XKR9: variants seen among roughly 807,000 people sequenced by gnomAD.
The protein encoded by XKR9 is XK related 9.
A neutral mutation model predicts 32.0 loss-of-function variants in XKR9; 32 were observed. That is an observed-to-expected ratio of 1.00 (90% CI 0.76 to 1.34). The LOEUF is 1.34. Among genes scored for constraint, XKR9 ranks in the 40% most tolerant of loss-of-function variants. The pLI, the probability that XKR9 is intolerant of heterozygous loss-of-function variation, is 0.00. For missense variants in XKR9, 546 were observed against 429.7 expected, an observed-to-expected ratio of 1.27 and a Z score of -2.39; for synonymous variants, 168 against 143.4, an observed-to-expected ratio of 1.17 and a Z score of -1.22.
At chr8:70,804,107 C>T in the XKR9 span, among the ~76,000 whole-genome samples, 1 of 152,302 alleles carries the variant, frequency 6.6e-6, no homozygotes, top group African/African-American at 2.4e-5. Context: ...TGGGGTTGCC[C>T]TCCCTGCCAT....
At chr8:71,048,436 T>C in the XKR9 span, among the ~76,000 whole-genome samples, 1 of 152,152 alleles carries the variant, frequency 6.6e-6, no homozygotes, top group South Asian at 2.1e-4. Flanking sequence ...TTTCATAATA[T>C]AAATATTAAG....
At chr8:70,920,370 T>A in the XKR9 span, among the ~76,000 whole-genome samples, 1 of 152,100 alleles carries the variant, frequency 6.6e-6, no homozygotes, top group African/African-American at 2.4e-5. Context: ...ATAAAACCCC[T>A]CCTTACAAAG....
At chr8:70,867,225 A>T in the XKR9 span, among the ~76,000 whole-genome samples, 13 of 152,266 alleles carry the variant, frequency 8.5e-5, no homozygotes, top group South Asian at 2.1e-3. Flanking sequence ...AAGCCATCAG[A>T]TCTCATGAGA....
the XKR9 span, among the ~76,000 whole-genome samples, chr8:71,024,976 T>C: frequency 6.6e-6 from 1 of 152,252 alleles, no homozygotes; most frequent in African/African-American, 2.4e-5. Flanking sequence ...TAATAGCTAG[T>C]GTTTATTGAG....
At chr8:70,969,348 G>A in the XKR9 span, among the ~76,000 whole-genome samples, 2 of 152,034 alleles carry the variant, frequency 1.3e-5, no homozygotes, top group Non-Finnish European at 2.9e-5. Context: ...CTGATTAAAG[G>A]GTAAAGTTTA....
At chr8:70,884,368 G>A in the XKR9 span, among the ~76,000 whole-genome samples, 1 of 151,986 alleles carries the variant, frequency 6.6e-6, no homozygotes, top group African/African-American at 2.4e-5. Context: ...CAGAAGTTTT[G>A]AACATTAATG....
chr8:70,987,182 C>A, the XKR9 span, among the ~76,000 whole-genome samples: 1 of 152,104 alleles, frequency 6.6e-6, no homozygotes, highest in Non-Finnish European at 1.5e-5. Flanking sequence ...GCCCCTGGAC[C>A]CTGCCAAATC....
chr8:70,868,721 C>T, the XKR9 span, among the ~76,000 whole-genome samples: 1 of 152,180 alleles, frequency 6.6e-6, no homozygotes, highest in South Asian at 2.1e-4. Context: ...TTAGTCTCCT[C>T]ATTACTTATG....
chr8:70,804,996 C>T, the XKR9 span, among the ~76,000 whole-genome samples: 16 of 152,150 alleles, frequency 1.1e-4, no homozygotes, highest in South Asian at 2.1e-4. Flanking sequence ...AGGCCAAGAT[C>T]GCAGACTAGA....
At chr8:70,999,293 G>A in the XKR9 span, among the ~76,000 whole-genome samples, 3 of 152,076 alleles carry the variant, frequency 2.0e-5, no homozygotes, top group African/African-American at 7.2e-5. Context: ...GGAGTTGCTT[G>A]CAGTTTGCTC....
chr8:70,715,159 C>T (rs1222496848), intron 4 of XKR9, among the ~76,000 whole-genome samples: 1 of 152,096 alleles, frequency 6.6e-6, no homozygotes, highest in East Asian at 1.9e-4. Flanking sequence ...GGTAAACTGC[C>T]TTGGAATCCT....
At chr8:70,813,191 G>T in the XKR9 span, among the ~76,000 whole-genome samples, 1 of 152,180 alleles carries the variant, frequency 6.6e-6, no homozygotes, top group Non-Finnish European at 1.5e-5. Flanking sequence ...AAGCAATGGG[G>T]AAAGGATTCC....
Position 70,777,116 on chromosome 8 carries a change from C to A in XKR9, n.353-12223C>A, listed in dbSNP as rs552087891. 2.4e-4 allele frequency among the ~76,000 whole-genome samples: 37 copies of A among 151,610 alleles called. 1 individual carries two copies. The highest frequency in any genetic ancestry group is 8.7e-4 in the African/African-American group (36 of 41,288). On this transcript the variant is annotated intron_variant and non_coding_transcript_variant, in intron 2 of 3. Coordinates refer to the XKR9 transcript ENST00000520273. ...ATGCTATCCCTCTCCCAGACCCCAC[C>A]CCGTGACTGGCCCCCTTGTGTGATG...
intron 4 of XKR9, among the ~76,000 whole-genome samples, chr8:70,723,658 A>T (rs1000293257): frequency 6.6e-6 from 1 of 152,132 alleles, no homozygotes; most frequent in Non-Finnish European, 1.5e-5. Flanking sequence ...CAGAACAGCA[A>T]AGATTGCTGC....
At chr8:70,874,349 G>A in the XKR9 span, among the ~76,000 whole-genome samples, 2 of 152,118 alleles carry the variant, frequency 1.3e-5, no homozygotes, top group African/African-American at 2.4e-5. Context: ...TATTGATGAA[G>A]AAATTTATTC....
chr8:70,801,980 A>C, the XKR9 span, among the ~76,000 whole-genome samples: 3 of 148,848 alleles, frequency 2.0e-5, no homozygotes, highest in African/African-American at 7.4e-5. Flanking sequence ...TGTCGCCCAG[A>C]GACTGGAGTG....
intron 2 of XKR9, among the ~76,000 whole-genome samples, chr8:70,757,724 C>G (rs1258528809): frequency 2.0e-5 from 3 of 152,062 alleles, no homozygotes; most frequent in Non-Finnish European, 4.4e-5. Context: ...GTAGCTGGGA[C>G]TATAGGCACA....
At chr8:70,843,565 A>G in the XKR9 span, among the ~76,000 whole-genome samples, 21 of 152,224 alleles carry the variant, frequency 1.4e-4, no homozygotes, top group Non-Finnish European at 2.9e-4. Flanking sequence ...CTGAAATTCA[A>G]CAGAGAAGTG....
rs1818830698 is a variant in XKR9, at chr8:70,674,835, A to T, written c.-343A>T. On this transcript the variant is annotated 5_prime_UTR_variant, in exon 2 of 5. Transcript: ENST00000408926. The stretch of plus-strand genomic sequence containing the variant: ...GTTTTTAGTGAAGAAGAAGTAAAAT[A>T]TTCACAAGATGAAGATTTTTCCAGA... 1 of 152,262 alleles carries T rather than the reference A, an allele frequency of 6.6e-6. No homozygotes were observed. Among genetic ancestry groups the T allele is most frequent in the Non-Finnish European group, 1.5e-5 (1 of 68,048 alleles). The allele number at this position is 152,262 out of a possible 1,614,324, so 9.4% of individuals were successfully genotyped here. A position where few individuals can be genotyped will look rare whatever the true frequency, so the allele number is the denominator to read the frequency against.
Sources: gnomAD v4.1 joint callset for allele counts (sites outside exome capture counted in the v4.1 genomes callset) on GRCh38, gnomAD v4.1.1 for gene constraint, MANE v1.5 for transcripts, NCBI Gene and HGNC (gene_info 2026-07-23, HGNC 2026-07-21) for gene names.